Variants in LURAP1L observed in about 807,000 individuals in gnomAD.
LURAP1L encodes the protein leucine rich adaptor protein 1-like.
A neutral mutation model predicts 13.8 loss-of-function variants in LURAP1L; 12 were observed. The ratio of observed to expected loss-of-function variants is 0.87; its 90% CI spans 0.56 to 1.41. LURAP1L has a LOEUF of 1.41. LURAP1L is among the 40% of genes most tolerant of loss of function. The pLI is 0.00. For missense variants in LURAP1L, 375 were observed against 292.9 expected, an observed-to-expected ratio of 1.28 and a Z score of -2.04; for synonymous variants, 139 against 119.2, an observed-to-expected ratio of 1.17 and a Z score of -1.08.
intron 1 of LURAP1L, 142 bp from the exon 2 acceptor site, chr9:12,821,244 A>C (rs1427923831): frequency 3.0e-6 from 3 of 999,498 alleles, no homozygotes; most frequent in African/African-American, 1.6e-5. Context: ...GCAATTATCA[A>C]AAAGTTCCTG....
chr9:12,802,180 C>T (rs1819596052), intron 1 of LURAP1L, among the ~76,000 whole-genome samples: 2 of 152,184 alleles, frequency 1.3e-5, no homozygotes, highest in African/African-American at 4.8e-5. Flanking sequence ...ATTTTACCCA[C>T]ACTAAAGAAT....
At chr9:12,811,907 C>A (rs986416369) in intron 1 of LURAP1L, among the ~76,000 whole-genome samples, 2 of 152,166 alleles carry the variant, frequency 1.3e-5, no homozygotes, top group Non-Finnish European at 2.9e-5. Context: ...CATCTCAAGG[C>A]TCGATCCAGG....
At chr9:12,801,335 T>G (rs941604060) in intron 1 of LURAP1L, among the ~76,000 whole-genome samples, 3 of 151,588 alleles carry the variant, frequency 2.0e-5, no homozygotes, top group Admixed American at 1.3e-4. Flanking sequence ...TGGCTAAAGC[T>G]GTTAAGAAAC....
intron 1 of LURAP1L, among the ~76,000 whole-genome samples, chr9:12,799,823 G>A (rs1312308463): frequency 6.8e-6 from 1 of 147,684 alleles, no homozygotes; most frequent in Non-Finnish European, 1.5e-5. Context: ...GCAGTGAGCT[G>A]AGATCGTGCC....
At chr9:12,780,033 C>T (rs1006581339) in intron 1 of LURAP1L, among the ~76,000 whole-genome samples, 1 of 152,138 alleles carries the variant, frequency 6.6e-6, no homozygotes, top group Non-Finnish European at 1.5e-5. Context: ...CCTGACACGA[C>T]CAGTTCAAGT....
At position 12,776,044 on chromosome 9, in the gene LURAP1L, A is replaced by G. The variant is rs751967998; in HGVS notation, c.312+17A>G. ...CAAGAGATGGTGAGTGTGGTGCGCC[A>G]GCCGCGGGGGCTGGGACCTGGGCTG... On this transcript the variant is annotated intron_variant, in intron 1 of 1. Coordinates refer to ENST00000319264, the MANE Select transcript of LURAP1L (RefSeq NM_203403.2). 1 of 1,612,568 alleles carries G rather than the reference A, an allele frequency of 6.2e-7. No homozygotes were observed. Among genetic ancestry groups the G allele is most frequent in the Non-Finnish European group, 8.5e-7 (1 of 1,179,400 alleles).
intron 1 of LURAP1L, chr9:12,777,479 G>A (rs954939990): frequency 1.0e-6 from 1 of 985,274 alleles, no homozygotes; most frequent in South Asian, 4.7e-5. Flanking sequence ...AGACATCAAG[G>A]AGATGAGGAA....
chr9:12,798,933 AG>A (rs756939152), intron 1 of LURAP1L, among the ~76,000 whole-genome samples: 22 of 152,218 alleles, frequency 1.4e-4, no homozygotes, highest in Non-Finnish European at 2.8e-4. Context: ...ATGCTCATGC[AG>A]GTCAGTCTCT....
chr9:12,812,976 T>G lies in LURAP1L; in HGVS notation c.313-8410T>G, dbSNP rs1819758244. On this transcript the variant is annotated intron_variant, in intron 1 of 1. Transcript: ENST00000319264. ...GACACTAAAAACTTTGGTATAAATA[T>G]TTTACATCTATCTCAAATTTTATTC... Among the ~76,000 whole-genome samples the G allele has an allele frequency of 2.0e-5, 3 of 152,296 alleles. No individual in the cohort carries two copies. The South Asian group carries it at 6.2e-4, about 32-fold the overall frequency.
intron 1 of LURAP1L, among the ~76,000 whole-genome samples, chr9:12,784,479 C>G (rs1819322082): frequency 6.6e-6 from 1 of 152,146 alleles, no homozygotes; most frequent in African/African-American, 2.4e-5. Context: ...GTGTGGGGTA[C>G]TATATGACAG....
chr9:12,783,781 T>TTTAAATG (rs1001493999), intron 1 of LURAP1L, among the ~76,000 whole-genome samples: 4 of 151,984 alleles, frequency 2.6e-5, no homozygotes, highest in Admixed American at 6.6e-5. Context: ...ATTGTTCTTC[T>TTTAAATG]TTAAATGTTT....
intron 1 of LURAP1L, among the ~76,000 whole-genome samples, chr9:12,777,930 A>C (rs779402104): frequency 4.6e-5 from 7 of 152,206 alleles, no homozygotes; most frequent in African/African-American, 1.2e-4. Flanking sequence ...AGGTTGGTGG[A>C]AAAGTAATTG....
chr9:12,796,334 A>T (rs12237752), intron 1 of LURAP1L, among the ~76,000 whole-genome samples: 37,574 of 151,760 alleles, frequency 0.25, 6,142 homozygotes, highest in African/African-American at 0.45. Context: ...TACCATTTTT[A>T]AAAAATTTTA....
At chr9:12,800,944 G>T (rs1819577855) in intron 1 of LURAP1L, among the ~76,000 whole-genome samples, 1 of 152,190 alleles carries the variant, frequency 6.6e-6, no homozygotes, top group South Asian at 2.1e-4. Context: ...TTAGGATAAT[G>T]TGGCGAGTTT....
intron 1 of LURAP1L, chr9:12,790,894 T>C (rs1226691525): frequency 6.6e-6 from 1 of 152,194 alleles, no homozygotes; most frequent in African/African-American, 2.4e-5. Flanking sequence ...TAGCATTGTA[T>C]ATTACACATA....
intron 1 of LURAP1L, among the ~76,000 whole-genome samples, chr9:12,789,218 G>A (rs910491061): frequency 5.9e-5 from 9 of 152,172 alleles, no homozygotes; most frequent in African/African-American, 1.9e-4. Flanking sequence ...TTCTAGAGAT[G>A]TGCTTTTAAG....
intron 1 of LURAP1L, among the ~76,000 whole-genome samples, chr9:12,782,465 G>C (rs1315613387): frequency 6.6e-6 from 1 of 152,168 alleles, no homozygotes; most frequent in African/African-American, 2.4e-5. Flanking sequence ...TGGATATGTA[G>C]TTTTGGCAGT....
chr9:12,821,088 G>A (rs1387116901), intron 1 of LURAP1L, among the ~76,000 whole-genome samples: 1 of 152,120 alleles, frequency 6.6e-6, no homozygotes, highest in East Asian at 1.9e-4. Context: ...AATAAATTTT[G>A]TAGTAGAGAA....
Position 12,787,684 on chromosome 9 carries a change from G to C in LURAP1L, c.312+11657G>C, listed in dbSNP as rs1295781222. On this transcript the variant is annotated intron_variant, in intron 1 of 1. Coordinates refer to ENST00000319264, the MANE Select transcript of LURAP1L (RefSeq NM_203403.2). ...TCAGATACTTCTATTCAGTATATTT[G>C]TTAATTGGCATTCCAGTTGTTCCTC... Among the ~76,000 whole-genome samples, 5 of 152,102 alleles carry C rather than the reference G, an allele frequency of 3.3e-5. No individual in the cohort carries two copies. The East Asian group carries it at 9.6e-4, about 29-fold the overall frequency.
Sources: allele counts gnomAD v4.1 joint callset (sites outside exome capture counted in the v4.1 genomes callset), GRCh38; gene constraint gnomAD v4.1.1; transcripts MANE v1.5; gene names NCBI Gene and HGNC (gene_info 2026-07-23, HGNC 2026-07-21).